MICAL3: variants seen among roughly 807,000 people sequenced by gnomAD.
MICAL3 encodes [F-actin]-monooxygenase MICAL3.
MICAL3 carries 62 observed loss-of-function variants against 207.4 expected under a neutral mutation model. The ratio of observed to expected loss-of-function variants is 0.30; its 90% CI spans 0.24 to 0.37. MICAL3 has a LOEUF of 0.37. Ranked by LOEUF, MICAL3 falls within the 10% of genes least tolerant of loss-of-function variation. The probability of loss-of-function intolerance (pLI) is 1.00; values close to 1 mark genes in which losing one functional copy is unlikely to be tolerated. For synonymous variants in MICAL3, 1,077 were observed against 1,069.3 expected, an observed-to-expected ratio of 1.01 and a Z score of -0.14; for missense variants, 2,368 against 2,635.6, an observed-to-expected ratio of 0.90 and a Z score of 2.22.
intron 17 of MICAL3, among the ~76,000 whole-genome samples, chr22:17,866,851 C>T (rs999641615): frequency 6.6e-5 from 10 of 152,220 alleles, no homozygotes. Flanking sequence ...ATGGAATTAA[C>T]CCACGCAGTC....
At chr22:17,959,428 C>T (rs1406938638) in intron 1 of MICAL3, among the ~76,000 whole-genome samples, 2 of 152,058 alleles carry the variant, frequency 1.3e-5, no homozygotes, top group East Asian at 3.9e-4. Context: ...GATTCTCCTG[C>T]CTCAGCCTCC....
intron 1 of MICAL3, among the ~76,000 whole-genome samples, chr22:17,954,611 T>A (rs1471613265): frequency 6.6e-6 from 1 of 152,196 alleles, no homozygotes; most frequent in Non-Finnish European, 1.5e-5. Context: ...GGCTGGCTAA[T>A]GTTTAGCCAG....
chr22:17,828,977 G>A (rs1221267528), intron 21 of MICAL3, among the ~76,000 whole-genome samples: 3 of 152,190 alleles, frequency 2.0e-5, no homozygotes, highest in Non-Finnish European at 4.4e-5. Context: ...AGACCACCCA[G>A]TGTGATGCTG....
At chr22:17,827,418 A>G (rs1413484652) in intron 22 of MICAL3, among the ~76,000 whole-genome samples, 1 of 152,228 alleles carries the variant, frequency 6.6e-6, no homozygotes, top group African/African-American at 2.4e-5. Context: ...ACCATTTTGC[A>G]TCAATGGAGA....
chr22:17,939,388 T>G (rs1204670004), intron 1 of MICAL3, among the ~76,000 whole-genome samples: 2 of 152,142 alleles, frequency 1.3e-5, no homozygotes, highest in African/African-American at 4.8e-5. Flanking sequence ...ACTCAGCAAG[T>G]CACACACCAG....
At chr22:17,863,117 A>C in intron 19 of MICAL3, 2 of 985,398 alleles carry the variant, frequency 2.0e-6, no homozygotes, top group African/African-American at 1.7e-5. Flanking sequence ...AACTCCTAAA[A>C]ACCTGAAACC....
intron 1 of MICAL3, among the ~76,000 whole-genome samples, chr22:17,998,412 GAAT>G (rs1325438528): frequency 7.3e-6 from 1 of 137,114 alleles, no homozygotes; most frequent in East Asian, 1.9e-4. Flanking sequence ...TATAAAATGG[GAAT>G]AATAGACTCT....
chr22:17,856,787 A>G (rs1302712216), intron 19 of MICAL3, among the ~76,000 whole-genome samples: 1 of 151,396 alleles, frequency 6.6e-6, no homozygotes, highest in Non-Finnish European at 1.5e-5. Flanking sequence ...GCGCCCAGCT[A>G]ATTTTTTGTA....
chr22:17,997,613 C>G (rs952355680), intron 1 of MICAL3, among the ~76,000 whole-genome samples: 2 of 152,106 alleles, frequency 1.3e-5, no homozygotes. Context: ...CCCTAAGGCC[C>G]GTTAGCACAC....
At chr22:17,963,784 T>C (rs945300587) in intron 1 of MICAL3, among the ~76,000 whole-genome samples, 1 of 152,156 alleles carries the variant, frequency 6.6e-6, no homozygotes, top group Admixed American at 6.5e-5. Flanking sequence ...CACACCCACA[T>C]GAATCCCACA....
At chr22:17,814,121 G>A (rs1029018898) in intron 27 of MICAL3, 1 of 152,178 alleles carries the variant, frequency 6.6e-6, no homozygotes, top group African/African-American at 2.4e-5. Flanking sequence ...CAGGATCCTG[G>A]CCTGGCAGAA....
chr22:17,936,562 C>G (rs1933539707), intron 1 of MICAL3, among the ~76,000 whole-genome samples: 1 of 146,316 alleles, frequency 6.8e-6, no homozygotes, highest in African/African-American at 2.6e-5. Context: ...TACCCTAGAA[C>G]TTAAAGTATA....
At chr22:18,001,310 G>A (rs1922986744) in intron 1 of MICAL3, 1 of 152,206 alleles carries the variant, frequency 6.6e-6, no homozygotes, top group South Asian at 2.1e-4. Context: ...CCCGGTGCCC[G>A]AGACCCCGAG....
chr22:17,895,090 C>T (rs1488787689), intron 10 of MICAL3, among the ~76,000 whole-genome samples, 194 bp downstream of exon 10: 1 of 152,242 alleles, frequency 6.6e-6, no homozygotes, highest in African/African-American at 2.4e-5. Flanking sequence ...CATTTAACAA[C>T]TCTATGCCTT....
intron 1 of MICAL3, among the ~76,000 whole-genome samples, chr22:17,934,666 T>C (rs901727582): frequency 1.3e-5 from 2 of 152,172 alleles, no homozygotes; most frequent in East Asian, 1.9e-4. Flanking sequence ...GGAAGTCAAA[T>C]TGTCCCCGTT....
At chr22:17,832,133 G>C (rs1013106162) in intron 20 of MICAL3, 26 bp from the exon 21 acceptor site, 1 of 1,553,660 alleles carries the variant, frequency 6.4e-7, no homozygotes, top group Non-Finnish European at 8.7e-7. Context: ...CACATAGCCA[G>C]AGTGAGGGAA....
At chr22:17,993,371 G>A (rs1011005160) in intron 1 of MICAL3, among the ~76,000 whole-genome samples, 3 of 152,132 alleles carry the variant, frequency 2.0e-5, no homozygotes, top group African/African-American at 7.2e-5. Context: ...ATCTAGGTTT[G>A]AAGCCCCGCA....
At chr22:17,889,844 T>C (rs1442641487) in intron 12 of MICAL3, among the ~76,000 whole-genome samples, 1 of 152,176 alleles carries the variant, frequency 6.6e-6, no homozygotes, top group Non-Finnish European at 1.5e-5. Context: ...CTATCTTTAA[T>C]ATATCTTGAT....
chr22:17,874,512 T>C (rs1186752720), intron 16 of MICAL3, among the ~76,000 whole-genome samples: 3 of 152,084 alleles, frequency 2.0e-5, no homozygotes, highest in Non-Finnish European at 4.4e-5. Context: ...CTGGGTTTAG[T>C]TGAACTAAAC....
Sources: gnomAD v4.1 joint callset for allele counts (sites outside exome capture counted in the v4.1 genomes callset) on GRCh38, gnomAD v4.1.1 for gene constraint, MANE v1.5 for transcripts, NCBI Gene and HGNC (gene_info 2026-07-23, HGNC 2026-07-21) for gene names.